Variants in R3HDM1 observed in about 807,000 individuals in gnomAD.
R3HDM1 encodes R3H domain-containing protein 1.
Under a neutral mutation model 141.1 loss-of-function variants are expected in R3HDM1, and 46 were observed. That is an observed-to-expected ratio of 0.33 (90% CI 0.26 to 0.42). R3HDM1 has a LOEUF of 0.42. R3HDM1 is among the 10% of genes least tolerant of loss of function. The probability of loss-of-function intolerance (pLI) is 1.00; values close to 1 mark genes in which losing one functional copy is unlikely to be tolerated. For missense variants in R3HDM1, 1,184 were observed against 1,368.3 expected, an observed-to-expected ratio of 0.87 and a Z score of 2.12; for synonymous variants, 435 against 472.9, an observed-to-expected ratio of 0.92 and a Z score of 1.04.
chr2:135,697,583 A>G (rs1385433052), intron 21 of R3HDM1, among the ~76,000 whole-genome samples: 1 of 152,270 alleles, frequency 6.6e-6, no homozygotes, highest in Non-Finnish European at 1.5e-5. Context: ...GAAAATTACT[A>G]AAGTACAACT....
chr2:135,575,620 A>G (rs938566801), intron 1 of R3HDM1, among the ~76,000 whole-genome samples: 1 of 152,232 alleles, frequency 6.6e-6, no homozygotes, highest in Non-Finnish European at 1.5e-5. Context: ...AAAAATCAAT[A>G]GACTCATATA....
At chr2:135,534,854 A>G (rs942751760) in intron 1 of R3HDM1, among the ~76,000 whole-genome samples, 1 of 152,150 alleles carries the variant, frequency 6.6e-6, no homozygotes, top group African/African-American at 2.4e-5. Context: ...CTGGTACTTT[A>G]ATATACCTAA....
intron 9 of R3HDM1, among the ~76,000 whole-genome samples, chr2:135,635,113 C>G (rs1425172750): frequency 6.6e-6 from 1 of 152,196 alleles, no homozygotes; most frequent in Non-Finnish European, 1.5e-5. Context: ...AAAAGAACAT[C>G]TCTTTTCTAA....
chr2:135,611,958 A>G (rs1339320871), intron 3 of R3HDM1, among the ~76,000 whole-genome samples: 1 of 152,204 alleles, frequency 6.6e-6, no homozygotes. Flanking sequence ...TTCATTTATT[A>G]TAAGGAATAA....
In R3HDM1 at chr2:135,607,983, G is replaced by C. The variant is rs1299820024; in HGVS notation, c.171+2967G>C. ...AGAATTTATTTTATGTTAATCTGGT[G>C]AATGCCATATTCATTGTTTATTGAA... On this transcript the variant is annotated intron_variant, in intron 3 of 26. Transcript: ENST00000683871. 5 of 979,872 alleles carry C rather than the reference G, an allele frequency of 5.1e-6. No homozygotes were observed. In the African/African-American group the frequency reaches 8.8e-5, roughly 17 times the overall value. The allele number at this position is 979,872 out of a possible 1,614,324, so 60.7% of individuals were successfully genotyped here. A position where few individuals can be genotyped will look rare whatever the true frequency, so the allele number is the denominator to read the frequency against.
At chr2:135,625,263 A>G (rs771839512) in intron 7 of R3HDM1, among the ~76,000 whole-genome samples, 1 of 152,174 alleles carries the variant, frequency 6.6e-6, no homozygotes. Flanking sequence ...CAGCCTGACT[A>G]ACATGGTGAA....
At position 135,722,128 on chromosome 2, in the gene R3HDM1, G is replaced by T. The variant is rs79664068; in HGVS notation, c.2964+122G>T. 1.7e-3 allele frequency: 1,607 copies of T among 935,070 alleles called. 27 individuals are homozygous for T. The East Asian group carries it at 0.032, about 19-fold the overall frequency. The allele number at this position is 935,070 out of a possible 1,614,324, so 57.9% of individuals were successfully genotyped here. On this transcript the variant is annotated intron_variant, in intron 25 of 26. Coordinates refer to ENST00000683871, the MANE Select transcript of R3HDM1 (RefSeq NM_001378107.1). ...CAAGAAGAGCTCTGTGCCTCAGCCA[G>T]TTGGTTTACACAGATTATCACTGGC...
intron 3 of R3HDM1, chr2:135,606,282 T>C (rs886957616): frequency 2.6e-5 from 4 of 152,160 alleles, no homozygotes; most frequent in African/African-American, 9.7e-5. Context: ...CCAGAGAGAA[T>C]GTTCCAAGAA....
At chr2:135,699,063 T>TA (rs1214720077) in intron 21 of R3HDM1, among the ~76,000 whole-genome samples, 8,067 of 76,592 alleles carry the variant, frequency 0.11, 593 homozygotes, top group Middle Eastern at 0.2. Context: ...TAAGATAGAT[T>TA]GATTAGATAG....
At chr2:135,709,316 G>A (rs535082870) in intron 21 of R3HDM1, 117 bp from the exon 22 acceptor site, 299 of 1,367,596 alleles carry the variant, frequency 2.2e-4, no homozygotes, top group Middle Eastern at 1.5e-3. Flanking sequence ...CTCGTGATCC[G>A]CCCGCCTTGG....
intron 17 of R3HDM1, chr2:135,650,537 A>G: frequency 6.1e-6 from 6 of 983,256 alleles, no homozygotes; most frequent in Non-Finnish European, 7.2e-6. Flanking sequence ...TTGGAATAAG[A>G]AAATGACTTT....
chr2:135,672,971 G>A (rs1199060196), intron 19 of R3HDM1, among the ~76,000 whole-genome samples: 1 of 152,162 alleles, frequency 6.6e-6, no homozygotes, highest in African/African-American at 2.4e-5. Flanking sequence ...GCCAGACATG[G>A]CAGTGCGCGC....
intron 1 of R3HDM1, among the ~76,000 whole-genome samples, chr2:135,588,593 T>C (rs1182412436): frequency 6.6e-6 from 1 of 152,176 alleles, no homozygotes; most frequent in East Asian, 1.9e-4. Context: ...CTCAGTTTTT[T>C]AATTTTGAGA....
chr2:135,701,006 AG>A (rs1325520435), intron 21 of R3HDM1, among the ~76,000 whole-genome samples: 2 of 152,186 alleles, frequency 1.3e-5, no homozygotes, highest in African/African-American at 4.8e-5. Context: ...TTTATAAATT[AG>A]GCACAGTGAT....
chr2:135,639,065 C>G lies in R3HDM1; in HGVS notation c.1162C>G (p.Leu388Val). 4 of 1,614,138 alleles carry G rather than the reference C, an allele frequency of 2.5e-6. No individual in the cohort carries two copies. The highest frequency in any genetic ancestry group is 3.4e-6 in the Non-Finnish European group (4 of 1,180,028). Residue 388 changes from leucine (L) to valine (V), a missense_variant, in exon 14 of 27, where the codon CTG becomes GTG. By Grantham distance (32) the Leu-to-Val change is conservative (BLOSUM62 1). Around this residue, in one of 5 missense-constraint regions of R3HDM1, gnomAD observed 240 missense variants for 312.3 expected, o/e 0.77. Transcript: ENST00000683871. ...KASSFSGISV[L>V]TRGDSSGSSK... ...CAGCAGCTTCAGTGGAATCTCAGTC[C>G]TGACAAGAGGTGATAGTTCTGGAAG... is the stretch of plus-strand genomic sequence containing the variant.
chr2:135,676,960 A>G (rs1336605342), intron 20 of R3HDM1, among the ~76,000 whole-genome samples: 1 of 152,218 alleles, frequency 6.6e-6, no homozygotes, highest in Non-Finnish European at 1.5e-5. Flanking sequence ...AATTGGTGAT[A>G]GTGTACAGAC....
intron 2 of R3HDM1, among the ~76,000 whole-genome samples, chr2:135,603,015 T>C (rs2059742740): frequency 6.6e-6 from 1 of 152,190 alleles, no homozygotes; most frequent in African/African-American, 2.4e-5. Context: ...GGAGTCTCAC[T>C]CTGTCACCCA....
chr2:135,535,916 A>G (rs189403661), intron 1 of R3HDM1, among the ~76,000 whole-genome samples: 1 of 152,272 alleles, frequency 6.6e-6, no homozygotes, highest in East Asian at 1.9e-4. Context: ...GTTTTTTTAT[A>G]TCTAGATTTT....
At chr2:135,675,091 C>T (rs917808988) in intron 19 of R3HDM1, among the ~76,000 whole-genome samples, 2 of 151,736 alleles carry the variant, frequency 1.3e-5, no homozygotes, top group Non-Finnish European at 2.9e-5. Flanking sequence ...AGTGTGTGAC[C>T]CTATAATCTT....
Sources: allele counts gnomAD v4.1 joint callset (sites outside exome capture counted in the v4.1 genomes callset), GRCh38; gene constraint gnomAD v4.1.1; regional missense constraint gnomAD v4.1.1; transcripts MANE v1.5; gene names NCBI Gene and HGNC (gene_info 2026-07-23, HGNC 2026-07-21).